Variants in SNX24 observed in about 807,000 individuals in gnomAD.
SNX24 encodes the protein sorting nexin-24.
A neutral mutation model predicts 28.7 loss-of-function variants in SNX24; 22 were observed. The ratio of observed to expected loss-of-function variants is 0.77; its 90% CI spans 0.55 to 1.10. The LOEUF (loss-of-function observed/expected upper bound fraction) is 1.10. Among genes scored for constraint, SNX24 ranks in the 50% least tolerant of loss-of-function variants. The probability of loss-of-function intolerance (pLI) is 0.00; values close to 1 mark genes in which losing one functional copy is unlikely to be tolerated. For missense variants in SNX24, 221 were observed against 201.1 expected, an observed-to-expected ratio of 1.10 and a Z score of -0.60; for synonymous variants, 69 against 71.5, an observed-to-expected ratio of 0.96 and a Z score of 0.18.
At chr5:122,858,255 A>G (rs1352201887) in intron 1 of SNX24, among the ~76,000 whole-genome samples, 1 of 152,226 alleles carries the variant, frequency 6.6e-6, no homozygotes, top group African/African-American at 2.4e-5. Flanking sequence ...TAATAATGGA[A>G]GAGTTTTTGA....
chr5:122,893,752 A>G (rs1757082016), intron 1 of SNX24, among the ~76,000 whole-genome samples: 1 of 152,162 alleles, frequency 6.6e-6, no homozygotes, highest in South Asian at 2.1e-4. Context: ...TGCATTCAAA[A>G]GTTACTTGAA....
At chr5:122,948,489 G>A (rs999759550) in intron 3 of SNX24, 3 of 152,184 alleles carry the variant, frequency 2.0e-5, no homozygotes, top group Non-Finnish European at 4.4e-5. Context: ...AGTTCACAAG[G>A]AACTTAGACA....
At chr5:122,902,528 CT>C (rs1232877022) in intron 1 of SNX24, among the ~76,000 whole-genome samples, 1 of 152,192 alleles carries the variant, frequency 6.6e-6, no homozygotes, top group Non-Finnish European at 1.5e-5. Context: ...CTCTAACAAC[CT>C]CCACCTGGCA....
At chr5:122,932,715 T>A (rs1363091079) in intron 1 of SNX24, among the ~76,000 whole-genome samples, 1 of 152,008 alleles carries the variant, frequency 6.6e-6, no homozygotes, top group East Asian at 1.9e-4. Context: ...AAAAATTAGC[T>A]GGGCATGGTG....
chr5:122,867,053 C>T (rs545867178), intron 1 of SNX24, among the ~76,000 whole-genome samples: 1 of 152,266 alleles, frequency 6.6e-6, no homozygotes, highest in Non-Finnish European at 1.5e-5. Context: ...ATGGGAGAAA[C>T]AGCACTATAT....
chr5:122,964,362 T>C (rs574680399), intron 3 of SNX24, among the ~76,000 whole-genome samples: 1 of 151,692 alleles, frequency 6.6e-6, no homozygotes, highest in South Asian at 2.1e-4. Flanking sequence ...CAGCTGAGGA[T>C]GGGGTGCTAC....
chr5:122,851,534 C>G (rs2150031043), intron 1 of SNX24, among the ~76,000 whole-genome samples: 1 of 152,294 alleles, frequency 6.6e-6, no homozygotes, highest in African/African-American at 2.4e-5. Flanking sequence ...TTTTAAGTAC[C>G]TGCGTGACTG....
intron 3 of SNX24, among the ~76,000 whole-genome samples, chr5:122,952,804 T>TAACACATG (rs1760009748): frequency 6.6e-6 from 1 of 152,202 alleles, no homozygotes; most frequent in Non-Finnish European, 1.5e-5. Flanking sequence ...TGAGAGTTCT[T>TAACACATG]AGAATTAAGT....
chr5:122,948,873 T>C (rs30026), intron 3 of SNX24, among the ~76,000 whole-genome samples: 117,042 of 152,138 alleles, frequency 0.77, 45,901 homozygotes, highest in East Asian at 0.99. Context: ...CTTTGACATA[T>C]AGCTTTACAT....
chr5:123,010,525 G>T (rs1369182670), downstream of SNX24, among the ~76,000 whole-genome samples: 2 of 152,082 alleles, frequency 1.3e-5, no homozygotes, highest in Non-Finnish European at 2.9e-5. Flanking sequence ...CTGACCTCGT[G>T]ATCCAACCAC....
At chr5:122,971,347 C>T (rs1440486203) in intron 3 of SNX24, among the ~76,000 whole-genome samples, 2 of 152,172 alleles carry the variant, frequency 1.3e-5, no homozygotes, top group African/African-American at 4.8e-5. Flanking sequence ...TCCCAGTCCA[C>T]TGACTCAAAT....
At chr5:122,988,417 G>T (rs555303214) in intron 3 of SNX24, among the ~76,000 whole-genome samples, 2 of 152,110 alleles carry the variant, frequency 1.3e-5, no homozygotes, top group Non-Finnish European at 2.9e-5. Flanking sequence ...GATAGGAAAC[G>T]TTTGCTCAAA....
chr5:122,895,469 C>A (rs1168820583), intron 1 of SNX24, among the ~76,000 whole-genome samples: 1 of 152,218 alleles, frequency 6.6e-6, no homozygotes, highest in Admixed American at 6.5e-5. Flanking sequence ...TATCCCACAT[C>A]TTGGACCAAG....
chr5:123,000,061 A>G, intron 4 of SNX24, 55 bp downstream of exon 4: 1 of 1,167,810 alleles, frequency 8.6e-7, no homozygotes, highest in Non-Finnish European at 1.3e-6. Flanking sequence ...TTCAATGACC[A>G]ATTGATCTAA....
intron 2 of SNX24, among the ~76,000 whole-genome samples, chr5:122,945,542 A>T (rs545359059): frequency 6.6e-6 from 1 of 152,358 alleles, no homozygotes; most frequent in Non-Finnish European, 1.5e-5. Flanking sequence ...TGTTAGGAAC[A>T]TTGAAAAGAT....
rs768036003 is a variant in SNX24, at chr5:123,007,665, T to C, written c.443-17T>C. ...CAGTTTTTCTTTTTTTTTTCTTTTT[T>C]TTTTTCTTTTTTTCAGATTTTCCAA... On this transcript the variant is annotated splice_polypyrimidine_tract_variant and intron_variant, in intron 6 of 6. Coordinates refer to ENST00000261369, the MANE Select transcript of SNX24 (RefSeq NM_014035.4). 10 of 1,570,656 alleles carry C rather than the reference T, an allele frequency of 6.4e-6. No individual in the cohort carries two copies. Among genetic ancestry groups the C allele is most frequent in the Non-Finnish European group, 8.6e-6 (10 of 1,164,016 alleles).
At chr5:122,968,252 C>G (rs1237632570) in intron 3 of SNX24, among the ~76,000 whole-genome samples, 1 of 152,124 alleles carries the variant, frequency 6.6e-6, no homozygotes, top group Non-Finnish European at 1.5e-5. Context: ...GAAGGTGAGG[C>G]AGGAGAATGG....
intron 4 of SNX24, among the ~76,000 whole-genome samples, chr5:123,000,615 C>G (rs1332188906): frequency 6.6e-6 from 1 of 152,134 alleles, no homozygotes; most frequent in Non-Finnish European, 1.5e-5. Context: ...ACCCATTGGT[C>G]CTAACCCAAG....
chr5:122,985,792 G>A (rs1490955165), intron 3 of SNX24, among the ~76,000 whole-genome samples: 1 of 152,118 alleles, frequency 6.6e-6, no homozygotes, highest in Admixed American at 6.6e-5. Flanking sequence ...GCCAAAGTTC[G>A]CTTTCTCACT....
Sources: allele counts gnomAD v4.1 joint callset (sites outside exome capture counted in the v4.1 genomes callset), GRCh38; gene constraint gnomAD v4.1.1; transcripts MANE v1.5; gene names NCBI Gene and HGNC (gene_info 2026-07-23, HGNC 2026-07-21).